The following TEAD4 variants were observed in gnomAD, a reference collection of about 807,000 sequenced individuals.
TEAD4 encodes transcriptional enhancer factor TEF-3.
A neutral mutation model predicts 52.4 loss-of-function variants in TEAD4; 36 were observed. The observed-to-expected ratio is 0.69, with a 90% CI of 0.53 to 0.91. TEAD4 has a LOEUF of 0.91. Among genes scored for constraint, TEAD4 ranks in the 40% least tolerant of loss-of-function variants. The pLI, the probability that TEAD4 is intolerant of heterozygous loss-of-function variation, is 0.00. For synonymous variants in TEAD4, 220 were observed against 231.0 expected (o/e 0.95, Z 0.43); for missense variants, 508 against 583.9 (o/e 0.87, Z 1.34).
chr12:2,997,219 A>G (rs1324505890), intron 3 of TEAD4, among the ~76,000 whole-genome samples: 1 of 152,178 alleles, frequency 6.6e-6, no homozygotes, highest in Non-Finnish European at 1.5e-5. Context: ...GGAGAATGGG[A>G]TGAAGAAGAG....
At chr12:2,971,387 G>A (rs977202586) in intron 2 of TEAD4, among the ~76,000 whole-genome samples, 4 of 152,166 alleles carry the variant, frequency 2.6e-5, no homozygotes, top group Non-Finnish European at 4.4e-5. Flanking sequence ...AATGTGATTT[G>A]AGGGCTATTG....
chr12:2,999,505 G>A (rs943850013), intron 3 of TEAD4, among the ~76,000 whole-genome samples: 2 of 152,226 alleles, frequency 1.3e-5, no homozygotes, highest in Admixed American at 1.3e-4. Flanking sequence ...CAGATGACAT[G>A]CAAAGCAGCA....
chr12:2,970,390 A>C (rs1008177923), intron 2 of TEAD4, among the ~76,000 whole-genome samples: 1 of 152,250 alleles, frequency 6.6e-6, no homozygotes, highest in Non-Finnish European at 1.5e-5. Context: ...AGGTTAATAG[A>C]ACCAACCTCA....
chr12:3,014,211 C>CT (rs1311240398), intron 5 of TEAD4, among the ~76,000 whole-genome samples: 1 of 152,224 alleles, frequency 6.6e-6, no homozygotes, highest in Admixed American at 6.5e-5. Flanking sequence ...TGTTTCCCCT[C>CT]TTTCGTCTGC....
At chr12:2,995,501 A>G (rs1250370629) in intron 3 of TEAD4, among the ~76,000 whole-genome samples, 2 of 152,122 alleles carry the variant, frequency 1.3e-5, no homozygotes, top group Non-Finnish European at 1.5e-5. Context: ...GGCAGCCTGG[A>G]GAGTTCCTAG....
At chr12:3,006,458 T>C (rs143728254) in intron 3 of TEAD4, among the ~76,000 whole-genome samples, 7,094 of 151,134 alleles carry the variant, frequency 0.047, 540 homozygotes, top group African/African-American at 0.16. Context: ...CTTTGGGAGG[T>C]TGAGGTGGGC....
chr12:2,961,473 C>A (rs2098215257), intron 2 of TEAD4, among the ~76,000 whole-genome samples: 1 of 151,968 alleles, frequency 6.6e-6, no homozygotes, highest in Non-Finnish European at 1.5e-5. Context: ...TGGGAAACAC[C>A]TCACCCTCTC....
intron 2 of TEAD4, among the ~76,000 whole-genome samples, chr12:2,993,891 G>A (rs536104388): frequency 1.3e-4 from 20 of 152,336 alleles, no homozygotes; most frequent in South Asian, 8.3e-4. Flanking sequence ...GCTGCAGCAC[G>A]TGTCCCGGTT....
chr12:2,972,175 T>C lies in TEAD4; in HGVS notation c.-30+12135T>C, dbSNP rs112945321. Among the ~76,000 whole-genome samples, 120 of 151,998 alleles carry C rather than the reference T, an allele frequency of 7.9e-4. 1 individual carries two copies. The highest frequency in any genetic ancestry group is 2.8e-3 in the African/African-American group (116 of 41,466). ...CTCCCTTCAGCCTTGAGCTCCTGGG[T>C]TCAAGCAATCCTCCTGCCTCAGCCT... On this transcript the variant is annotated intron_variant, in intron 2 of 12. Coordinates refer to ENST00000359864, the MANE Select transcript of TEAD4 (RefSeq NM_003213.4).
intron 5 of TEAD4, among the ~76,000 whole-genome samples, chr12:3,013,233 T>C (rs974682713): frequency 1.3e-5 from 2 of 151,652 alleles, no homozygotes; most frequent in African/African-American, 4.9e-5. Flanking sequence ...ATTATAGGCA[T>C]GAGCCACTGG....
At chr12:3,027,496 C>T (rs535619184) in intron 10 of TEAD4, among the ~76,000 whole-genome samples, 11 of 152,112 alleles carry the variant, frequency 7.2e-5, no homozygotes, top group Admixed American at 2.6e-4. Context: ...TTTGGGAGGC[C>T]GAAGCAGACA....
rs2098277243 is a variant in TEAD4 at position 3,033,511 on chromosome 12, A to C, written c.898-4457A>C. Among the ~76,000 whole-genome samples the C allele has an allele frequency of 2.6e-5, 4 of 152,148 alleles. No homozygotes were observed. In the South Asian group the frequency reaches 8.3e-4, roughly 32 times the overall value. ...GAAATGCCAGGCAGAGCCGGGCTGC[A>C]CCGTGGAGGCAGCAGAGTACCCCAG... On this transcript the variant is annotated intron_variant, in intron 10 of 12. Transcript: ENST00000359864.
chr12:3,008,948 CT>C (rs916518925), intron 3 of TEAD4, among the ~76,000 whole-genome samples: 1 of 152,222 alleles, frequency 6.6e-6, no homozygotes, highest in African/African-American at 2.4e-5. Flanking sequence ...TTCCCTCATG[CT>C]TTTCCTTGCC....
rs1337348966 is a variant in TEAD4 at position 3,021,953 on chromosome 12, A to C, written c.833A>C (p.Lys278Thr). 6.2e-7 allele frequency: 1 copy of C among 1,614,236 alleles called. No individual in the cohort carries two copies. Among genetic ancestry groups the C allele is most frequent in the East Asian group, 2.2e-5 (1 of 44,878 alleles). ...ATCTATGACAAATTCCCGGAGAAAA[A>C]GGGTGGACTCAAGGATCTCTTCGAA... Residue 278 changes from lysine to threonine, a missense_variant, in exon 10 of 13, where the codon AAG (lysine) becomes ACG (threonine). Physicochemically the swap from Lys to Thr is moderately conservative, Grantham distance 78. Coordinates refer to ENST00000359864, the MANE Select transcript of TEAD4 (RefSeq NM_003213.4).
Position 3,020,619 on chromosome 12 carries a change from T to C in TEAD4, c.584-15T>C. The C allele has an allele frequency of 2.0e-6, 3 of 1,520,228 alleles. No individual in the cohort carries two copies. The South Asian group carries it at 3.9e-5, about 20-fold the overall frequency. The allele number at this position is 1,520,228 out of a possible 1,614,324, so 94.2% of individuals were successfully genotyped here. A position where few individuals can be genotyped will look rare whatever the true frequency, so the allele number is the denominator to read the frequency against. ...TCCGTGACCAGGTTCCATGTGCCTT[T>C]CTCACTTTGTGCAGGGTTTGAGTCT... On this transcript the variant is annotated splice_polypyrimidine_tract_variant and intron_variant, in intron 8 of 12. Transcript: ENST00000359864.
At chr12:2,971,804 TTC>T (rs2098225316) in intron 2 of TEAD4, among the ~76,000 whole-genome samples, 1 of 144,048 alleles carries the variant, frequency 6.9e-6, no homozygotes, top group Admixed American at 7.1e-5. Context: ...CCTTTTTTTT[TTC>T]TTTCTTTCTT....
Position 3,011,026 on chromosome 12 carries a change from C to T in TEAD4, c.249C>T (p.Arg83=), listed in dbSNP as rs1428725440. ...CAGGTCGGAACGAGCTGATTGCCCG[C>T]TACATCAAGCTCCGGACAGGGAAGA... Residue 83 remains arginine (R), a synonymous_variant, in exon 4 of 13, where the codon CGC becomes CGT. Coordinates refer to ENST00000359864, the MANE Select transcript of TEAD4 (RefSeq NM_003213.4). 2 of 1,614,124 alleles carry T rather than the reference C, an allele frequency of 1.2e-6. No homozygotes were observed. The highest frequency in any genetic ancestry group is 1.3e-5 in the African/African-American group (1 of 75,038).
chr12:3,027,229 G>C (rs903055957), intron 10 of TEAD4, among the ~76,000 whole-genome samples: 1 of 152,140 alleles, frequency 6.6e-6, no homozygotes, highest in Non-Finnish European at 1.5e-5. Context: ...CTGACCTCAA[G>C]TGATAGATTT....
Position 3,033,437 on chromosome 12 carries a change from G to A in TEAD4, c.898-4531G>A, listed in dbSNP as rs142831564. Reference sequence around the variant, plus strand: ...CCAGCAGAGGCCACCTGTCTCTGGGGCCGGTGAGAGGGGGCCTTTGGTGGC... The same window carrying A: ...CCAGCAGAGGCCACCTGTCTCTGGGACCGGTGAGAGGGGGCCTTTGGTGGC... On this transcript the variant is annotated intron_variant, in intron 10 of 12. Coordinates refer to ENST00000359864, the MANE Select transcript of TEAD4 (RefSeq NM_003213.4). Among the ~76,000 whole-genome samples the A allele has an allele frequency of 2.9e-3, 436 of 152,352 alleles. 1 individual carries two copies. Among genetic ancestry groups the A allele is most frequent in the African/African-American group, 0.01 (422 of 41,584 alleles).
Sources: allele counts gnomAD v4.1 joint callset (sites outside exome capture counted in the v4.1 genomes callset), GRCh38; gene constraint gnomAD v4.1.1; transcripts MANE v1.5; gene names NCBI Gene and HGNC (gene_info 2026-07-23, HGNC 2026-07-21).